Variants in SVEP1 observed in about 807,000 individuals in gnomAD.
SVEP1 encodes the protein sushi, von Willebrand factor type A, EGF and pentraxin domain-containing protein 1.
A neutral mutation model predicts 367.3 loss-of-function variants in SVEP1; 164 were observed. That is an observed-to-expected ratio of 0.45 (90% CI 0.39 to 0.51). SVEP1 has a LOEUF of 0.51. Ranked by LOEUF, SVEP1 falls within the 20% of genes least tolerant of loss-of-function variation. SVEP1 has a pLI of 0.00. For missense variants in SVEP1, 4,117 were observed against 4,425.3 expected (o/e 0.93, Z 1.98); for synonymous variants, 1,666 against 1,611.6 (o/e 1.03, Z -0.81).
chr9:110,460,762 A>C (rs1315174519), intron 18 of SVEP1, among the ~76,000 whole-genome samples: 1 of 152,184 alleles, frequency 6.6e-6, no homozygotes, highest in Non-Finnish European at 1.5e-5. Flanking sequence ...CAAAAGAAAA[A>C]AAAAAAAGAA....
At chr9:110,493,775 A>G (rs957870169) in intron 8 of SVEP1, among the ~76,000 whole-genome samples, 1 of 152,062 alleles carries the variant, frequency 6.6e-6, no homozygotes, top group African/African-American at 2.4e-5. Context: ...AAAAACAACA[A>G]GAATGTATTA....
chr9:110,395,615 G>A (rs1437063050), intron 40 of SVEP1, among the ~76,000 whole-genome samples: 31 of 152,040 alleles, frequency 2.0e-4, no homozygotes, highest in African/African-American at 6.0e-4. Context: ...CCCATCTCAC[G>A]TGCAGAGACA....
intron 1 of SVEP1, among the ~76,000 whole-genome samples, chr9:110,570,011 T>C (rs1374534912): frequency 6.6e-6 from 1 of 152,216 alleles, no homozygotes; most frequent in Non-Finnish European, 1.5e-5. Flanking sequence ...TTCTGAGTGC[T>C]ATCTTTCATT....
At position 110,435,348 on chromosome 9, in the gene SVEP1, G is replaced by C. The variant is rs573096451; in HGVS notation, c.4781C>G (p.Thr1594Ser). 1.3e-5 allele frequency: 21 copies of C among 1,613,058 alleles called. No individual in the cohort carries two copies. The East Asian group carries it at 4.7e-4, about 36-fold the overall frequency. Residue 1594 changes from threonine (T) to serine (S), a missense_variant, in exon 29 of 48, where the codon ACC becomes AGC. This residue lies in a region of SVEP1 where 2,174 missense variants were observed against 2,494.3 expected (regional missense o/e 0.87). Transcript: ENST00000374469. ...TTTACTGAGTTCCTCTGGGCAGGAGGTAGCCAGTGACTTCACCTGAAAGTT... is the reference window on the plus strand; with the variant it reads ...TTTACTGAGTTCCTCTGGGCAGGAGCTAGCCAGTGACTTCACCTGAAAGTT... ...LSPQQVKSLA[T>S]SCPEELSKGN...
Position 110,503,107 on chromosome 9 carries a change from G to C in SVEP1, c.1414C>G (p.Leu472Val). 1 of 1,612,000 alleles carries C rather than the reference G, an allele frequency of 6.2e-7. No homozygotes were observed. Among genetic ancestry groups the C allele is most frequent in the Non-Finnish European group, 8.5e-7 (1 of 1,178,468 alleles). ...CLVACDEGYR[L>V]EGSDKLTCQG... ...CAAGTAAGCTTATCACTGCCTTCTAGTCTGTACCCTTCATCACAGGCAACC... is the reference window on the plus strand; with the variant it reads ...CAAGTAAGCTTATCACTGCCTTCTACTCTGTACCCTTCATCACAGGCAACC... The change falls in exon 6 of 48, where the codon CTA (leucine) becomes GTA (valine). Residue 472 changes from leucine to valine, a missense_variant. By Grantham distance (32) the Leu-to-Val change is conservative. Coordinates refer to ENST00000374469, the MANE Select transcript of SVEP1 (RefSeq NM_153366.4).
chr9:110,516,222 CATT>C (rs1434647767), intron 3 of SVEP1, among the ~76,000 whole-genome samples: 2 of 149,778 alleles, frequency 1.3e-5, no homozygotes, highest in East Asian at 3.9e-4. Flanking sequence ...TATACTAAAA[CATT>C]ATAATAAACT....
chr9:110,495,163 T>C lies in SVEP1; in HGVS notation c.1800+1652A>G, dbSNP rs541756379. Among the ~76,000 whole-genome samples the C allele has an allele frequency of 2.2e-4, 33 of 152,312 alleles. No individual in the cohort carries two copies. The East Asian group carries it at 5.8e-3, about 27-fold the overall frequency. ...TGTATATTCAACTTCTCCATCTCAA[T>C]TGGTTCTCTCCATTTCTATTTTTAT... On this transcript the variant is annotated intron_variant, in intron 8 of 47. Transcript: ENST00000374469.
chr9:110,472,781 T>C (rs1164287664), intron 14 of SVEP1, among the ~76,000 whole-genome samples: 1 of 152,162 alleles, frequency 6.6e-6, no homozygotes, highest in African/African-American at 2.4e-5. Flanking sequence ...CAAGATGCTT[T>C]CATCATATTT....
Position 110,435,293 on chromosome 9 carries a change from C to G in SVEP1, c.4836G>C (p.Leu1612Phe), listed in dbSNP as rs749342470. The G allele has an allele frequency of 6.2e-7, 1 of 1,613,650 alleles. No homozygotes were observed. The highest frequency in any genetic ancestry group is 1.7e-4 in the Middle Eastern group (1 of 6,060). ...TCTTCACTTTCCCCACAATTCCTGA[C>G]AAGAAATCAGGCCATGCTAACACGT... ...KGNVLAWPDF[L>F]SGIVGKVKID... The change falls in exon 29 of 48, where the codon TTG (leucine) becomes TTC (phenylalanine). Residue 1612 changes from leucine to phenylalanine, a missense_variant. Physicochemically the swap from Leu to Phe is conservative, Grantham distance 22. Transcript: ENST00000374469.
intron 23 of SVEP1, among the ~76,000 whole-genome samples, chr9:110,450,802 T>C (rs762898045): frequency 3.9e-5 from 6 of 152,096 alleles, no homozygotes; most frequent in Non-Finnish European, 8.8e-5. Flanking sequence ...AATCTTACTT[T>C]TTGTTGAAAT....
intron 25 of SVEP1, 78 bp from the exon 26 acceptor site, chr9:110,446,116 T>C: frequency 7.8e-7 from 1 of 1,279,024 alleles, no homozygotes; most frequent in Admixed American, 2.4e-5. Flanking sequence ...AGTGCTATTG[T>C]CAAAGAAGCT....
chr9:110,572,627 C>A (rs957182897), intron 1 of SVEP1, among the ~76,000 whole-genome samples: 1 of 151,848 alleles, frequency 6.6e-6, no homozygotes, highest in African/African-American at 2.4e-5. Context: ...TTTGGGAGGT[C>A]GAGGTGGGCT....
chr9:110,505,602 T>G (rs1829612640), intron 5 of SVEP1, among the ~76,000 whole-genome samples: 1 of 152,122 alleles, frequency 6.6e-6, no homozygotes, highest in Non-Finnish European at 1.5e-5. Context: ...CAGATCATTC[T>G]CTCTCCTTCC....
intron 35 of SVEP1, among the ~76,000 whole-genome samples, chr9:110,428,734 A>G (rs1445184737): frequency 6.6e-6 from 1 of 151,638 alleles, no homozygotes; most frequent in Non-Finnish European, 1.5e-5. Flanking sequence ...TCATATTTAT[A>G]AATTTGTTTT....
In SVEP1 at chr9:110,411,198, G is replaced by A. The variant is rs963693508; in HGVS notation, c.6513C>T (p.Ser2171=). Residue 2171 remains serine, a synonymous_variant, in exon 37 of 48, where the codon AGC becomes AGT. Coordinates refer to ENST00000374469, the MANE Select transcript of SVEP1 (RefSeq NM_153366.4). ...CTTTGATGTAGAACCCCTTGTTGCA[G>A]CTGTAAGCCACCATGGCTCCAAAAC... is the stretch of plus-strand genomic sequence containing the variant. ...NYSFGAMVAY[S]CNKGFYIKGE... is the part of the protein sequence containing the mutation. 4 of 1,613,888 alleles carry A rather than the reference G, an allele frequency of 2.5e-6. No individual in the cohort carries two copies. The highest frequency in any genetic ancestry group is 1.7e-6 in the Non-Finnish European group (2 of 1,179,892).
chr9:110,446,029 G>C lies in SVEP1; in HGVS notation c.4271C>G (p.Thr1424Arg). Residue 1424 changes from threonine (T) to arginine (R), a missense_variant, in exon 26 of 48, where the codon ACA (threonine) becomes AGA (arginine). By Grantham distance (71) the Thr-to-Arg change is moderately conservative. This residue lies in a region of SVEP1 where 2,174 missense variants were observed against 2,494.3 expected (regional missense o/e 0.87). Transcript: ENST00000374469. ...SGKRCETEQS[T>R]GFNLDFEVSG... Reference sequence around the variant, plus strand: ...AACTTCAAAATCCAGGTTAAAGCCTGTAGACTGTTCTGCAATGAATAAGAA... The same window carrying C: ...AACTTCAAAATCCAGGTTAAAGCCTCTAGACTGTTCTGCAATGAATAAGAA... 1 of 1,610,170 alleles carries C rather than the reference G, an allele frequency of 6.2e-7. No individual in the cohort carries two copies. The highest frequency in any genetic ancestry group is 8.5e-7 in the Non-Finnish European group (1 of 1,177,874).
At chr9:110,409,713 T>A (rs926906741) in intron 37 of SVEP1, among the ~76,000 whole-genome samples, 4 of 152,184 alleles carry the variant, frequency 2.6e-5, no homozygotes, top group African/African-American at 9.6e-5. Context: ...AAGAATACTA[T>A]CAAAATTTTG....
intron 39 of SVEP1, among the ~76,000 whole-genome samples, chr9:110,402,233 C>T (rs1040801154): frequency 1.3e-5 from 2 of 152,092 alleles, no homozygotes; most frequent in African/African-American, 4.8e-5. Flanking sequence ...TGACTCATTA[C>T]TTCTGTTCCA....
At chr9:110,551,861 T>C (rs1175092227) in intron 1 of SVEP1, among the ~76,000 whole-genome samples, 8 of 151,908 alleles carry the variant, frequency 5.3e-5, no homozygotes, top group Non-Finnish European at 8.8e-5. Context: ...CCACACTCTC[T>C]CCACACCCCT....
Sources: gnomAD v4.1 joint callset for allele counts (sites outside exome capture counted in the v4.1 genomes callset) on GRCh38, gnomAD v4.1.1 for gene constraint, gnomAD v4.1.1 regional missense constraint, MANE v1.5 for transcripts, NCBI Gene and HGNC (gene_info 2026-07-23, HGNC 2026-07-21) for gene names.